Variants in ERCC6 observed in about 807,000 individuals in gnomAD.
The protein encoded by ERCC6 is DNA excision repair protein ERCC-6.
Under a neutral mutation model 158.7 loss-of-function variants are expected in ERCC6, and 116 were observed. That is an observed-to-expected ratio of 0.73 (90% CI 0.63 to 0.85). The LOEUF is 0.85. ERCC6 is among the 40% of genes least tolerant of loss of function. The probability of loss-of-function intolerance (pLI) is 0.00; values close to 1 mark genes in which losing one functional copy is unlikely to be tolerated. For synonymous variants in ERCC6, 678 were observed against 659.3 expected, an observed-to-expected ratio of 1.03 and a Z score of -0.43; for missense variants, 1,698 against 1,799.4, an observed-to-expected ratio of 0.94 and a Z score of 1.02.
chr10:49,477,886 C>A (rs1472388346), intron 11 of ERCC6, among the ~76,000 whole-genome samples: 1 of 152,234 alleles, frequency 6.6e-6, no homozygotes, highest in African/African-American at 2.4e-5. Flanking sequence ...CAAATCCTTG[C>A]CCTCAGCATT....
chr10:49,466,923 T>G (rs913076501), intron 18 of ERCC6, among the ~76,000 whole-genome samples: 1 of 152,076 alleles, frequency 6.6e-6, no homozygotes, highest in African/African-American at 2.4e-5. Context: ...GTAGCTGGGA[T>G]TCCAGACACC....
chr10:49,467,811 A>G (rs566844971), intron 18 of ERCC6, among the ~76,000 whole-genome samples: 6 of 151,990 alleles, frequency 3.9e-5, no homozygotes, highest in Admixed American at 1.3e-4. Context: ...TCAAGCAATC[A>G]ACCCACCTCA....
intron 5 of ERCC6, among the ~76,000 whole-genome samples, chr10:49,517,938 A>G (rs57612136): frequency 0.024 from 3,619 of 152,352 alleles, 156 homozygotes; most frequent in African/African-American, 0.081. Flanking sequence ...TCAAACTTTT[A>G]CTAAATTCAG....
intron 1 of ERCC6, among the ~76,000 whole-genome samples, chr10:49,534,307 T>C (rs10776577): frequency 0.91 from 138,023 of 152,262 alleles, 62,619 homozygotes; most frequent in East Asian, 1. Flanking sequence ...AAGCCCCTTG[T>C]AGGGACAACT....
At position 49,524,611 on chromosome 10, in the gene ERCC6, C is replaced by T. The variant is rs1590475348; in HGVS notation, c.819G>A (p.Lys273=). 1 of 1,614,074 alleles carries T rather than the reference C, an allele frequency of 6.2e-7. No homozygotes were observed. Among genetic ancestry groups the T allele is most frequent in the South Asian group, 1.1e-5 (1 of 91,086 alleles). Reference sequence around the variant, plus strand: ...ACAGTTTTGCTTGATCTGCCAAATACTTTTCGAAGCCTGATGCTTCATTAA... The same window carrying T: ...ACAGTTTTGCTTGATCTGCCAAATATTTTTCGAAGCCTGATGCTTCATTAA... The part of the protein sequence containing the change: ...IMLNEASGFE[K]YLADQAKLSF... Residue 273 remains lysine, a synonymous_variant, in exon 5 of 21, where the codon AAG becomes AAA. Transcript: ENST00000355832.
chr10:49,482,587 T>A, intron 10 of ERCC6, 100 bp downstream of exon 10: 3 of 895,898 alleles, frequency 3.3e-6, no homozygotes, highest in Non-Finnish European at 5.1e-6. Context: ...AGCCTGGCCA[T>A]CTTTCTCACA....
rs568637238 is a variant in ERCC6, at chr10:49,483,082, T to A, written c.1993-219A>T. On this transcript the variant is annotated intron_variant, in intron 9 of 20. Transcript: ENST00000355832. ...ATTTTTTCTTATTGTTGAAGCTGAA[T>A]ACTATAGATTAGAGTTGGGTTTGGT... is the stretch of plus-strand genomic sequence containing the variant. 5.9e-5 allele frequency among the ~76,000 whole-genome samples: 9 copies of A among 152,304 alleles called. No individual in the cohort carries two copies. In the South Asian group the frequency reaches 1.7e-3, roughly 28 times the overall value.
intron 8 of ERCC6, 74 bp downstream of exon 8, chr10:49,493,043 G>T (rs1031551714): frequency 3.4e-6 from 5 of 1,475,830 alleles, no homozygotes; most frequent in Non-Finnish European, 9.4e-7. Flanking sequence ...GAAACACATG[G>T]ATCAGAGAAA....
In ERCC6 at chr10:49,459,230, C is replaced by T. The variant is rs370285377; in HGVS notation, c.4067G>A (p.Gly1356Asp). 22 of 1,613,682 alleles carry T rather than the reference C, an allele frequency of 1.4e-5. No individual in the cohort carries two copies. In the African/African-American group the frequency reaches 1.7e-4, roughly 13 times the overall value. The change falls in exon 21 of 21, where the codon GGC becomes GAC. Residue 1356 changes from glycine (G) to aspartate (D), a missense_variant. Gly to Asp is a moderately conservative substitution (Grantham distance 94). Coordinates refer to ENST00000355832, the MANE Select transcript of ERCC6 (RefSeq NM_000124.4). The stretch of plus-strand genomic sequence containing the variant: ...ATCTTTTCCCTCCTTTTTCATGATG[C>T]CATCCTATAAAAAGAAGACCACTAT... Reference protein sequence around the residue: ...STSPTEKCQDGIMKKEGKDNV... With the variant: ...STSPTEKCQDDIMKKEGKDNV...
chr10:49,460,004 A>T, intron 20 of ERCC6: 1 of 347,768 alleles, frequency 2.9e-6, no homozygotes, highest in Non-Finnish European at 5.5e-6. Context: ...CCAGTGAGTT[A>T]CAGACACCAA....
chr10:49,523,131 T>A (rs1054529242), intron 5 of ERCC6, among the ~76,000 whole-genome samples: 2 of 152,094 alleles, frequency 1.3e-5, no homozygotes, highest in African/African-American at 4.8e-5. Flanking sequence ...AAGAAAAAAC[T>A]GTTGAGGATT....
At chr10:49,441,731 C>T in the ERCC6 span, among the ~76,000 whole-genome samples, 1 of 152,140 alleles carries the variant, frequency 6.6e-6, no homozygotes, top group African/African-American at 2.4e-5. Context: ...CAACGCTGTC[C>T]GCCCGCAGCG....
intron 5 of ERCC6, among the ~76,000 whole-genome samples, chr10:49,522,890 G>A (rs1054122118): frequency 6.6e-6 from 1 of 152,134 alleles, no homozygotes; most frequent in Non-Finnish European, 1.5e-5. Flanking sequence ...ACTACATAAG[G>A]TGCTACTAGA....
Position 49,523,946 on chromosome 10 carries a change from C to G in ERCC6, c.1397+87G>C, listed in dbSNP as rs2132619841. On this transcript the variant is annotated intron_variant, in intron 5 of 20. Coordinates refer to ENST00000355832, the MANE Select transcript of ERCC6 (RefSeq NM_000124.4). ...AATCGGGGGGGTCTAATATATTAAG[C>G]TGGATCTAGAATGCTTACATATTAA... 6 of 1,570,092 alleles carry G rather than the reference C, an allele frequency of 3.8e-6. No individual in the cohort carries two copies. The South Asian group carries it at 6.7e-5, about 18-fold the overall frequency.
At chr10:49,535,852 G>GGT (rs1725694648) in intron 1 of ERCC6, among the ~76,000 whole-genome samples, 1 of 152,182 alleles carries the variant, frequency 6.6e-6, no homozygotes, top group Admixed American at 6.5e-5. Flanking sequence ...GGCCAGGCTT[G>GGT]GTGGCTCACA....
chr10:49,526,727 G>A (rs916536446), intron 4 of ERCC6, among the ~76,000 whole-genome samples: 2 of 152,158 alleles, frequency 1.3e-5, no homozygotes, highest in Non-Finnish European at 2.9e-5. Flanking sequence ...TTCAACTAAT[G>A]AAAGAGGGAT....
chr10:49,474,404 T>C (rs1253176215), intron 12 of ERCC6, among the ~76,000 whole-genome samples, 162 bp from the exon 13 acceptor site: 2 of 152,156 alleles, frequency 1.3e-5, no homozygotes, highest in Non-Finnish European at 2.9e-5. Context: ...TGGGAGAAAT[T>C]AACTTTCACT....
At chr10:49,518,761 C>G (rs1029847064) in intron 5 of ERCC6, among the ~76,000 whole-genome samples, 1 of 152,170 alleles carries the variant, frequency 6.6e-6, no homozygotes, top group African/African-American at 2.4e-5. Context: ...GGGCCCTGGC[C>G]ACAGAGGCCC....
chr10:49,451,979 A>C (rs1427099632), downstream of ERCC6, among the ~76,000 whole-genome samples: 1 of 152,120 alleles, frequency 6.6e-6, no homozygotes, highest in East Asian at 1.9e-4. Context: ...CTTTCATATC[A>C]GATCCTAGTA....
Sources: gnomAD v4.1 joint callset for allele counts (sites outside exome capture counted in the v4.1 genomes callset) on GRCh38, gnomAD v4.1.1 for gene constraint, MANE v1.5 for transcripts, NCBI Gene and HGNC (gene_info 2026-07-23, HGNC 2026-07-21) for gene names.